HCRTR2: variants seen among roughly 807,000 people sequenced by gnomAD.
HCRTR2 encodes the protein orexin receptor type 2.
A neutral mutation model predicts 49.0 loss-of-function variants in HCRTR2; 22 were observed. The observed-to-expected ratio is 0.45, with a 90% CI of 0.32 to 0.64. The LOEUF is 0.64. Ranked by LOEUF, HCRTR2 falls within the 30% of genes least tolerant of loss-of-function variation. The pLI is 0.04. For missense variants in HCRTR2, 491 were observed against 559.4 expected, an observed-to-expected ratio of 0.88 and a Z score of 1.23; for synonymous variants, 236 against 205.3, an observed-to-expected ratio of 1.15 and a Z score of -1.28.
chr6:55,125,292 T>C (rs1362458364), intron 1 of HCRTR2, among the ~76,000 whole-genome samples: 2 of 152,222 alleles, frequency 1.3e-5, no homozygotes, highest in Admixed American at 6.5e-5. Flanking sequence ...TCAGGAGCTC[T>C]TGTAAGGCAG....
chr6:55,219,847 G>A (rs1765856677), intron 1 of HCRTR2, among the ~76,000 whole-genome samples: 1 of 151,814 alleles, frequency 6.6e-6, no homozygotes, highest in African/African-American at 2.4e-5. Flanking sequence ...AAATAATATT[G>A]TAAATAAAAA....
chr6:55,125,252 A>G (rs1057254437), intron 1 of HCRTR2, among the ~76,000 whole-genome samples: 3 of 151,986 alleles, frequency 2.0e-5, no homozygotes, highest in Non-Finnish European at 2.9e-5. Context: ...GGCTGGTACC[A>G]GTTGTTTCTT....
In HCRTR2 at chr6:55,282,212, C is replaced by G. The variant is rs200956313; in HGVS notation, c.1106-13C>G. The G allele has an allele frequency of 2.4e-5, 38 of 1,585,742 alleles. No homozygotes were observed. Among genetic ancestry groups the G allele is most frequent in the Non-Finnish European group, 3.3e-5 (38 of 1,155,216 alleles). On this transcript the variant is annotated splice_polypyrimidine_tract_variant and intron_variant, in intron 6 of 6. Coordinates refer to ENST00000370862, the MANE Select transcript of HCRTR2 (RefSeq NM_001384272.1). ...GTATAATTCCTTTTCCTTTCATTCT[C>G]TCTGTTTGCCAGGAAAATTTCGAGA...
chr6:55,172,561 C>T (rs1188264079), upstream of HCRTR2, among the ~76,000 whole-genome samples: 2 of 152,012 alleles, frequency 1.3e-5, no homozygotes, highest in African/African-American at 2.4e-5. Context: ...GGAAATACAA[C>T]AATATTTCTC....
At chr6:55,145,180 T>A (rs1226417304) in intron 1 of HCRTR2, among the ~76,000 whole-genome samples, 2 of 152,222 alleles carry the variant, frequency 1.3e-5, no homozygotes, top group Non-Finnish European at 2.9e-5. Flanking sequence ...TATTCTGATA[T>A]GTCAATTGTG....
intron 5 of HCRTR2, among the ~76,000 whole-genome samples, chr6:55,279,826 G>A (rs184835541): frequency 7.2e-5 from 11 of 151,910 alleles, no homozygotes; most frequent in Non-Finnish European, 1.5e-4. Context: ...TTTCTTCTCT[G>A]GGTATTAAGG....
chr6:55,249,409 A>G (rs938901922), intron 2 of HCRTR2, among the ~76,000 whole-genome samples: 18 of 152,142 alleles, frequency 1.2e-4, no homozygotes, highest in African/African-American at 4.3e-4. Context: ...CCGTTCTGCC[A>G]TTCACCAATT....
upstream of HCRTR2, among the ~76,000 whole-genome samples, chr6:55,170,529 T>C (rs548384094): frequency 6.6e-6 from 1 of 152,110 alleles, no homozygotes; most frequent in African/African-American, 2.4e-5. Context: ...GAGTAATTGA[T>C]ATGTATAGCA....
chr6:55,200,419 C>T (rs574819506), intron 1 of HCRTR2, among the ~76,000 whole-genome samples: 28 of 152,156 alleles, frequency 1.8e-4, no homozygotes, highest in African/African-American at 6.3e-4. Flanking sequence ...CGCACACCAC[C>T]ACACCCAGCT....
intron 1 of HCRTR2, among the ~76,000 whole-genome samples, chr6:55,210,345 G>A (rs1765675073): frequency 6.6e-6 from 1 of 152,052 alleles, no homozygotes; most frequent in South Asian, 2.1e-4. Context: ...ACAATGTGAT[G>A]GGGACTTGCT....
intron 1 of HCRTR2, among the ~76,000 whole-genome samples, chr6:55,128,266 G>T (rs912451873): frequency 6.6e-6 from 1 of 152,032 alleles, no homozygotes; most frequent in Admixed American, 6.6e-5. Flanking sequence ...TCTCTATTCT[G>T]TTCCATTGAT....
intron 1 of HCRTR2, among the ~76,000 whole-genome samples, chr6:55,183,375 G>A (rs562791951): frequency 3.4e-4 from 52 of 152,258 alleles, no homozygotes; most frequent in East Asian, 5.8e-4. Flanking sequence ...TCAAAGAGGC[G>A]TGAAATAGAA....
intron 1 of HCRTR2, among the ~76,000 whole-genome samples, chr6:55,121,033 C>T (rs539532776): frequency 7.3e-5 from 11 of 150,548 alleles, no homozygotes; most frequent in Admixed American, 2.0e-4. Flanking sequence ...TAGCTTGATG[C>T]GGATGGCATT....
At chr6:55,175,898 G>A (rs10456181) in intron 1 of HCRTR2, among the ~76,000 whole-genome samples, 45,345 of 152,048 alleles carry the variant, frequency 0.3, 7,244 homozygotes, top group Middle Eastern at 0.45. Context: ...GCAGAGGGCA[G>A]TGTGGAGGAA....
At chr6:55,134,144 T>C (rs1330308866) in intron 1 of HCRTR2, among the ~76,000 whole-genome samples, 3 of 151,906 alleles carry the variant, frequency 2.0e-5, no homozygotes, top group African/African-American at 7.2e-5. Context: ...TTTATTTCTA[T>C]GGTTATCTAG....
At chr6:55,216,874 C>T (rs1765796671) in intron 1 of HCRTR2, among the ~76,000 whole-genome samples, 1 of 152,194 alleles carries the variant, frequency 6.6e-6, no homozygotes, top group Non-Finnish European at 1.5e-5. Context: ...GTCCCTGTGA[C>T]AAGTCTCTGC....
At chr6:55,152,994 C>T (rs746176072) in intron 1 of HCRTR2, among the ~76,000 whole-genome samples, 5 of 151,790 alleles carry the variant, frequency 3.3e-5, no homozygotes, top group African/African-American at 9.7e-5. Context: ...TCCCTGTGTG[C>T]GTGTTTTTTT....
chr6:55,177,048 G>A (rs1323101587), intron 1 of HCRTR2, among the ~76,000 whole-genome samples: 1 of 152,058 alleles, frequency 6.6e-6, no homozygotes, highest in Non-Finnish European at 1.5e-5. Flanking sequence ...TATCCTAATT[G>A]CATAGTTTAG....
intron 1 of HCRTR2, among the ~76,000 whole-genome samples, chr6:55,180,908 T>A (rs1219323513): frequency 6.6e-6 from 1 of 151,998 alleles, no homozygotes; most frequent in African/African-American, 2.4e-5. Context: ...CAAGCTATTT[T>A]CCTGCCTCAG....
Sources: gnomAD v4.1 joint callset for allele counts (sites outside exome capture counted in the v4.1 genomes callset) on GRCh38, gnomAD v4.1.1 for gene constraint, MANE v1.5 for transcripts, NCBI Gene and HGNC (gene_info 2026-07-23, HGNC 2026-07-21) for gene names.